The following SYCE2 variants were observed in gnomAD, a reference collection of about 807,000 sequenced individuals.
SYCE2 encodes synaptonemal complex central element protein 2.
A neutral mutation model predicts 27.9 loss-of-function variants in SYCE2; 3 were observed. That is an observed-to-expected ratio of 0.11 (90% CI 0.05 to 0.28). SYCE2 has a LOEUF of 0.28. Among genes scored for constraint, SYCE2 ranks in the 10% least tolerant of loss-of-function variants. The pLI, the probability that SYCE2 is intolerant of heterozygous loss-of-function variation, is 1.00. For synonymous variants in SYCE2, 85 were observed against 100.7 expected (o/e 0.84, Z 0.93); for missense variants, 207 against 263.5 (o/e 0.79, Z 1.48).
chr19:12,906,956 C>T (rs1246238167), intron 2 of SYCE2, among the ~76,000 whole-genome samples: 1 of 152,076 alleles, frequency 6.6e-6, no homozygotes, highest in East Asian at 1.9e-4. Flanking sequence ...GTGGGTAATG[C>T]ATTGTGAATG....
At chr19:12,906,398 G>A (rs1179619263) in intron 2 of SYCE2, among the ~76,000 whole-genome samples, 1 of 152,202 alleles carries the variant, frequency 6.6e-6, no homozygotes, top group Non-Finnish European at 1.5e-5. Flanking sequence ...GTTAACAAGT[G>A]AAATAGTGGC....
intron 5 of SYCE2, 44 bp downstream of exon 5, chr19:12,899,960 G>C: frequency 6.2e-7 from 1 of 1,611,914 alleles, no homozygotes. Context: ...ATAAAGACCT[G>C]CACATCTGAC....
intron 2 of SYCE2, 32 bp from the exon 3 acceptor site, chr19:12,904,698 G>T: frequency 6.2e-7 from 1 of 1,611,130 alleles, no homozygotes. Context: ...CAAGAAACCT[G>T]ACTTCTCAGA....
intron 2 of SYCE2, among the ~76,000 whole-genome samples, chr19:12,917,659 C>CT (rs71168635): frequency 0.098 from 7,807 of 79,356 alleles, 742 homozygotes; most frequent in Non-Finnish European, 0.13. Context: ...CCATTCCTGG[C>CT]TTTTTTTTTT....
chr19:12,901,739 C>T (rs1385366118), intron 3 of SYCE2, among the ~76,000 whole-genome samples: 2 of 152,144 alleles, frequency 1.3e-5, no homozygotes, highest in East Asian at 2.0e-4. Context: ...CCTCAGCCTC[C>T]CGAGTAGCTG....
intron 2 of SYCE2, among the ~76,000 whole-genome samples, chr19:12,914,533 C>T (rs1032925423): frequency 4.6e-5 from 7 of 151,668 alleles, no homozygotes; most frequent in Non-Finnish European, 7.4e-5. Flanking sequence ...CCACACCCCC[C>T]ATAAAAGCCT....
At chr19:12,913,050 GCTT>G (rs1332731733) in intron 2 of SYCE2, among the ~76,000 whole-genome samples, 1 of 152,184 alleles carries the variant, frequency 6.6e-6, no homozygotes, top group Admixed American at 6.5e-5. Context: ...TCCTAGGCTG[GCTT>G]CTGTTGCCGA....
chr19:12,905,611 G>A (rs532653758), intron 2 of SYCE2, among the ~76,000 whole-genome samples: 9 of 151,490 alleles, frequency 5.9e-5, no homozygotes, highest in African/African-American at 9.7e-5. Context: ...GATTACAGGC[G>A]TGAGCCACCG....
chr19:12,899,189 G>T lies in SYCE2; in HGVS notation c.*152C>A. ...GCAGGGGCTGGACTTGCTACATTTT[G>T]GGAGTTCAGCACAAGGAGCTTTGGG... On this transcript the variant is annotated 3_prime_UTR_variant, in exon 6 of 6. Transcript: ENST00000293695. 1 of 692,562 alleles carries T rather than the reference G, an allele frequency of 1.4e-6. No homozygotes were observed. The highest frequency in any genetic ancestry group is 2.5e-6 in the Non-Finnish European group (1 of 405,268). 42.9% of individuals were successfully genotyped at this position (692,562 alleles called of 1,614,324 possible). A position where few individuals can be genotyped will look rare whatever the true frequency, so the allele number is the denominator to read the frequency against.
At chr19:12,899,806 T>C (rs1195117582) in intron 5 of SYCE2, 198 bp downstream of exon 5, 7 of 1,585,740 alleles carry the variant, frequency 4.4e-6, no homozygotes, top group Non-Finnish European at 4.3e-6. Context: ...AAATAGCAGC[T>C]TCTCTTGAGA....
chr19:12,899,155 G>A lies in SYCE2; in HGVS notation c.*186C>T. On this transcript the variant is annotated 3_prime_UTR_variant, in exon 6 of 6. Transcript: ENST00000293695. ...GCCAAGGGTGGGGAGCACGAAGCCT[G>A]GGCCTATGGCAGGGGCTGGACTTGC... 1 of 610,504 alleles carries A rather than the reference G, an allele frequency of 1.6e-6. No homozygotes were observed. 37.8% of individuals were successfully genotyped at this position (610,504 alleles called of 1,614,324 possible).
chr19:12,911,719 G>C (rs1350277445), intron 2 of SYCE2, among the ~76,000 whole-genome samples: 1 of 148,024 alleles, frequency 6.8e-6, no homozygotes, highest in African/African-American at 2.5e-5. Context: ...CCAGGTTCAA[G>C]TGATTTTCCC....
intron 2 of SYCE2, among the ~76,000 whole-genome samples, chr19:12,909,250 C>T (rs1971000394): frequency 6.6e-6 from 1 of 152,210 alleles, no homozygotes; most frequent in Non-Finnish European, 1.5e-5. Context: ...ACCATCCACA[C>T]TTTGGATTCT....
At chr19:12,902,004 G>T (rs1463940824) in intron 3 of SYCE2, among the ~76,000 whole-genome samples, 1 of 151,970 alleles carries the variant, frequency 6.6e-6, no homozygotes, top group Non-Finnish European at 1.5e-5. Context: ...ATACAATGAT[G>T]GCCCATAAGA....
At position 12,911,594 on chromosome 19, in the gene SYCE2, C is replaced by G. The variant is rs939111238; in HGVS notation, c.131+6628G>C. Among the ~76,000 whole-genome samples the G allele has an allele frequency of 8.1e-5, 12 of 148,094 alleles. No individual in the cohort carries two copies. The South Asian group carries it at 2.4e-3, about 29-fold the overall frequency. The stretch of plus-strand genomic sequence containing the variant: ...AGCTGGGATTACAGGTGCCTACCAA[C>G]CATGCCTGGATAATTTTTGCCTTTT... On this transcript the variant is annotated intron_variant, in intron 2 of 5. Coordinates refer to ENST00000293695, the MANE Select transcript of SYCE2 (RefSeq NM_001105578.2).
intron 2 of SYCE2, among the ~76,000 whole-genome samples, chr19:12,908,583 C>T (rs1053143284): frequency 6.6e-6 from 1 of 152,098 alleles, no homozygotes; most frequent in African/African-American, 2.4e-5. Flanking sequence ...CTCAGCCTCT[C>T]AAAGTGCTGG....
chr19:12,901,169 A>AAAAT (rs368396066), intron 3 of SYCE2, among the ~76,000 whole-genome samples: 23,828 of 140,670 alleles, frequency 0.17, 2,417 homozygotes, highest in African/African-American at 0.28. Context: ...ACTCCATCTC[A>AAAAT]AAATAAATAA....
chr19:12,900,448 G>C lies in SYCE2; in HGVS notation c.495+12C>G. 1 of 1,611,336 alleles carries C rather than the reference G, an allele frequency of 6.2e-7. No homozygotes were observed. On this transcript the variant is annotated intron_variant, in intron 4 of 5. Transcript: ENST00000293695. ...TCCTCAGGCAGCGCCCCCCCTGTGA[G>C]TTTACTCATACCTCAGGCTGGAGAC...
chr19:12,903,533 C>T (rs1262305163), intron 3 of SYCE2, among the ~76,000 whole-genome samples: 6 of 151,792 alleles, frequency 4.0e-5, no homozygotes, highest in African/African-American at 9.7e-5. Flanking sequence ...ACTACAGGCG[C>T]GCACCACCAT....
Sources: gnomAD v4.1 joint callset for allele counts (sites outside exome capture counted in the v4.1 genomes callset) on GRCh38, gnomAD v4.1.1 for gene constraint, MANE v1.5 for transcripts, NCBI Gene and HGNC (gene_info 2026-07-23, HGNC 2026-07-21) for gene names.